The following AGAP1 variants were observed in gnomAD, a reference collection of about 807,000 sequenced individuals.
AGAP1 encodes ArfGAP with GTPase domain, ankyrin repeat and PH domain 1.
A neutral mutation model predicts 105.3 loss-of-function variants in AGAP1; 29 were observed. The observed-to-expected ratio is 0.28, with a 90% CI of 0.21 to 0.38. The LOEUF is 0.38. Among genes scored for constraint, AGAP1 ranks in the 10% least tolerant of loss-of-function variants. AGAP1 has a pLI of 1.00. For synonymous variants in AGAP1, 509 were observed against 485.9 expected, an observed-to-expected ratio of 1.05 and a Z score of -0.63; for missense variants, 998 against 1,165.1, an observed-to-expected ratio of 0.86 and a Z score of 2.09.
rs563229133 is a variant in AGAP1, at chr2:236,069,775, T to G, written c.2114+20494T>G. 4.5e-3 allele frequency among the ~76,000 whole-genome samples: 681 copies of G among 152,382 alleles called. 1 individual carries two copies. Among genetic ancestry groups the G allele is most frequent in the Non-Finnish European group, 7.3e-3 (500 of 68,038 alleles). ...TTACATGGGGAGATAGTTATGGTATTCTGTTAAAATATTGTGTACCCCAAA... is the reference window on the plus strand; with the variant it reads ...TTACATGGGGAGATAGTTATGGTATGCTGTTAAAATATTGTGTACCCCAAA... On this transcript the variant is annotated intron_variant, in intron 16 of 17. Coordinates refer to ENST00000304032, the MANE Select transcript of AGAP1 (RefSeq NM_001037131.3).
intron 13 of AGAP1, among the ~76,000 whole-genome samples, chr2:235,978,155 A>C (rs1028863658): frequency 2.0e-5 from 3 of 152,276 alleles, no homozygotes; most frequent in South Asian, 4.2e-4. Flanking sequence ...CCAGTCTCCA[A>C]ATACCAGCAC....
In AGAP1 at chr2:235,728,952, T is replaced by G. The variant is rs1004077228; in HGVS notation, c.310+11308T>G. 4.6e-5 allele frequency among the ~76,000 whole-genome samples: 7 copies of G among 152,304 alleles called. No homozygotes were observed. Among genetic ancestry groups the G allele is most frequent in the South Asian group, 2.1e-4 (1 of 4,828 alleles). Reference sequence around the variant, plus strand: ...CCAGGCGTGATGTGACCACACCATCTGGCAGGGGACCAGGCCAGCTGCTGT... The same window carrying G: ...CCAGGCGTGATGTGACCACACCATCGGGCAGGGGACCAGGCCAGCTGCTGT... On this transcript the variant is annotated intron_variant, in intron 3 of 17. Coordinates refer to ENST00000304032, the MANE Select transcript of AGAP1 (RefSeq NM_001037131.3). This position sits in a 1 kb window ranked among gnomAD's most constrained non-coding sequence, Gnocchi z 4.3.
Position 235,815,292 on chromosome 2 carries a change from T to C in AGAP1, c.1050+7961T>C, listed in dbSNP as rs146034551. On this transcript the variant is annotated intron_variant, in intron 9 of 17. Coordinates refer to ENST00000304032, the MANE Select transcript of AGAP1 (RefSeq NM_001037131.3). ...GTCCAAGACAAGGCCCAGCAGAGCC[T>C]GTTTCTGGAGAGCCCTCTCCTTGGC... 2.9e-3 allele frequency among the ~76,000 whole-genome samples: 439 copies of C among 152,308 alleles called. 1 individual carries two copies. The highest frequency in any genetic ancestry group is 0.02 in the East Asian group (102 of 5,172).
chr2:235,530,771 C>G (rs1322332451), intron 1 of AGAP1, among the ~76,000 whole-genome samples: 1 of 152,206 alleles, frequency 6.6e-6, no homozygotes, highest in Non-Finnish European at 1.5e-5. Context: ...TTGACTTAAT[C>G]ACAGCGACAG....
intron 11 of AGAP1, among the ~76,000 whole-genome samples, chr2:235,921,600 C>T (rs765448210): frequency 3.9e-5 from 6 of 152,110 alleles, no homozygotes; most frequent in Non-Finnish European, 7.4e-5. Flanking sequence ...AGCCTGGCCA[C>T]GTTGCTGTAT....
intron 13 of AGAP1, among the ~76,000 whole-genome samples, chr2:236,017,360 G>A (rs2056741457): frequency 6.6e-6 from 1 of 151,540 alleles, no homozygotes; most frequent in South Asian, 2.1e-4. Flanking sequence ...ATTCCTTTCT[G>A]ATTTACAGCC....
Position 236,043,765 on chromosome 2 carries a change from A to C in AGAP1, c.1891+2924A>C, listed in dbSNP as rs190159772. ...GGGGGGGTGCTTAATTGAGATAAAG[A>C]AACTTCATAATGTGTTGTAAAATGA... On this transcript the variant is annotated intron_variant, in intron 15 of 17. Transcript: ENST00000304032. Among the ~76,000 whole-genome samples, 27 of 152,100 alleles carry C rather than the reference A, an allele frequency of 1.8e-4. No individual in the cohort carries two copies. The East Asian group carries it at 5.0e-3, about 28-fold the overall frequency.
chr2:236,003,065 CAG>C lies in AGAP1; in HGVS notation c.1646-33493_1646-33492del, dbSNP rs2056190525. 6.6e-6 allele frequency among the ~76,000 whole-genome samples: 1 copy of C among 152,162 alleles called. No homozygotes were observed. The highest frequency in any genetic ancestry group is 1.9e-4 in the East Asian group (1 of 5,178). ...CACGTATTCGCCCACTGTGTGCCAA[CAG>C]AGTCTTGATCTATTGCCCAGGCTGG... On this transcript the variant is annotated intron_variant, in intron 13 of 17. Coordinates refer to ENST00000304032, the MANE Select transcript of AGAP1 (RefSeq NM_001037131.3). The surrounding 1 kb of genome is among the most constrained non-coding windows in gnomAD (Gnocchi z 4.2).
At chr2:235,847,225 A>G (rs62190889) in intron 9 of AGAP1, among the ~76,000 whole-genome samples, 22,196 of 152,224 alleles carry the variant, frequency 0.15, 1,928 homozygotes, top group South Asian at 0.23. Flanking sequence ...GGAAGAAAAG[A>G]TGGTTTGGTT....
chr2:235,761,545 T>C (rs1954438840), intron 6 of AGAP1, among the ~76,000 whole-genome samples: 2 of 152,346 alleles, frequency 1.3e-5, no homozygotes, highest in South Asian at 4.1e-4. Flanking sequence ...TTGAGCCAGC[T>C]TGAATTAGCG....
At chr2:236,060,715 T>G in intron 16 of AGAP1, among the ~76,000 whole-genome samples, 1 of 150,728 alleles carries the variant, frequency 6.6e-6, no homozygotes, top group East Asian at 2.0e-4. Flanking sequence ...AAATTTAAAT[T>G]AAAAAAAAGA....
chr2:235,818,527 C>CTT (rs1423980915), intron 9 of AGAP1, among the ~76,000 whole-genome samples: 3 of 152,226 alleles, frequency 2.0e-5, no homozygotes, highest in African/African-American at 7.2e-5. Flanking sequence ...ACTGCAACCT[C>CTT]TGTCACCCAG....
chr2:235,571,935 T>TGTGTGTGTGTGTGC (rs1402023188), intron 1 of AGAP1, among the ~76,000 whole-genome samples: 2 of 109,512 alleles, frequency 1.8e-5, no homozygotes, highest in African/African-American at 1.0e-4. Flanking sequence ...CCACACTTTG[T>TGTGTGTGTGTGTGC]GTGTGTGTGT....
chr2:236,019,643 G>A lies in AGAP1; in HGVS notation c.1646-16918G>A, dbSNP rs535866210. On this transcript the variant is annotated intron_variant, in intron 13 of 17. Transcript: ENST00000304032. Reference sequence around the variant, plus strand: ...GGAGGCAGCAGCCTGCACCTGGACGGGGCTTAGTACAGAGCCTGCAGCGCC... The same window carrying A: ...GGAGGCAGCAGCCTGCACCTGGACGAGGCTTAGTACAGAGCCTGCAGCGCC... Among the ~76,000 whole-genome samples, 20 of 152,314 alleles carry A rather than the reference G, an allele frequency of 1.3e-4. No individual in the cohort carries two copies. In the East Asian group the frequency reaches 3.7e-3, roughly 28 times the overall value.
rs1010921220 is a variant in AGAP1, at chr2:235,631,334, G to A, written c.164-77845G>A. 1.1e-4 allele frequency among the ~76,000 whole-genome samples: 16 copies of A among 152,206 alleles called. No homozygotes were observed. The highest frequency in any genetic ancestry group is 3.9e-4 in the African/African-American group (16 of 41,444). ...AACTGAAAAGTCAAGCATGGCGCAAGGAAGGACGATGGATTAGCCAACCAT... is the reference window on the plus strand; with the variant it reads ...AACTGAAAAGTCAAGCATGGCGCAAAGAAGGACGATGGATTAGCCAACCAT... On this transcript the variant is annotated intron_variant, in intron 1 of 17. Coordinates refer to ENST00000304032, the MANE Select transcript of AGAP1 (RefSeq NM_001037131.3). This position sits in a 1 kb window ranked among gnomAD's most constrained non-coding sequence, Gnocchi z 5.4.
intron 11 of AGAP1, among the ~76,000 whole-genome samples, chr2:235,912,768 A>G (rs930502143): frequency 3.3e-5 from 5 of 152,242 alleles, no homozygotes; most frequent in Non-Finnish European, 5.9e-5. Flanking sequence ...AGCCATCACC[A>G]GTTTCACCTC....
Position 235,797,891 on chromosome 2 carries a change from G to A in AGAP1, c.801+5G>A, listed in dbSNP as rs764149718. 6.2e-6 allele frequency: 10 copies of A among 1,613,924 alleles called. No homozygotes were observed. Among genetic ancestry groups the A allele is most frequent in the East Asian group, 2.2e-5 (1 of 44,894 alleles). ...TCTGCCGTGCACATCAGCCAGGTACGTTAGGTGACATGAGAAGTCAGACTC... is the reference window on the plus strand; with the variant it reads ...TCTGCCGTGCACATCAGCCAGGTACATTAGGTGACATGAGAAGTCAGACTC... On this transcript the variant is annotated splice_donor_5th_base_variant and intron_variant, in intron 7 of 17. Transcript: ENST00000304032.
intron 13 of AGAP1, among the ~76,000 whole-genome samples, chr2:235,974,814 T>C (rs2054790333): frequency 6.6e-6 from 1 of 152,220 alleles, no homozygotes; most frequent in Non-Finnish European, 1.5e-5. Context: ...TTTCATCAAA[T>C]ATGAAGCAAC....
At position 235,891,287 on chromosome 2, in the gene AGAP1, A is replaced by C. The variant is rs1340499391; in HGVS notation, c.1155+7838A>C. On this transcript the variant is annotated intron_variant, in intron 10 of 17. Transcript: ENST00000304032. This position sits in a 1 kb window ranked among gnomAD's most constrained non-coding sequence, Gnocchi z 4.2. ...ACGGTCAAAGCAAGCACGCTGGCTG[A>C]TGCTGCTGCTCTGCGGTCTACATTT... 2.6e-5 allele frequency among the ~76,000 whole-genome samples: 4 copies of C among 152,202 alleles called. No individual in the cohort carries two copies. Among genetic ancestry groups the C allele is most frequent in the African/African-American group, 9.6e-5 (4 of 41,454 alleles).
Sources: allele counts gnomAD v4.1 joint callset (sites outside exome capture counted in the v4.1 genomes callset), GRCh38; gene constraint gnomAD v4.1.1; non-coding constraint Gnocchi (gnomAD v3.1); transcripts MANE v1.5; gene names NCBI Gene and HGNC (gene_info 2026-07-23, HGNC 2026-07-21).